Variants in SLC6A4 observed in about 807,000 individuals in gnomAD.
SLC6A4 encodes the protein solute carrier family 6 member 4, also known as sodium-dependent serotonin transporter.
Under a neutral mutation model 73.4 loss-of-function variants are expected in SLC6A4, and 22 were observed. That is an observed-to-expected ratio of 0.30 (90% CI 0.21 to 0.43). SLC6A4 has a LOEUF of 0.43. Among genes scored for constraint, SLC6A4 ranks in the 20% least tolerant of loss-of-function variants. SLC6A4 has a pLI of 1.00. For synonymous variants in SLC6A4, 270 were observed against 315.5 expected (o/e 0.86, Z 1.53); for missense variants, 593 against 808.5 (o/e 0.73, Z 3.23).
At position 30,198,412 on chromosome 17, in the gene SLC6A4, G is replaced by T. The variant is rs1567813764; in HGVS notation, c.*44C>A. ...AGGCAGGCGTGCCTCATCAGAACTG[G>T]AGGAGGAGGTTGTGGAGAAGCCTTT... is the stretch of plus-strand genomic sequence containing the variant. On this transcript the variant is annotated 3_prime_UTR_variant, in exon 15 of 15. Transcript: ENST00000650711. The T allele has an allele frequency of 8.7e-6, 10 of 1,143,730 alleles. No individual in the cohort carries two copies. The highest frequency in any genetic ancestry group is 1.3e-5 in the South Asian group (1 of 78,400). 70.8% of individuals were successfully genotyped at this position (1,143,730 alleles called of 1,614,324 possible). A position where few individuals can be genotyped will look rare whatever the true frequency, so the allele number is the denominator to read the frequency against.
Position 30,211,565 on chromosome 17 carries a change from GT to G in SLC6A4, c.1205-142del. The G allele has an allele frequency of 1.5e-6, 1 of 648,142 alleles. No homozygotes were observed. The highest frequency in any genetic ancestry group is 1.8e-5 in the South Asian group (1 of 55,674). 40.1% of individuals were successfully genotyped at this position (648,142 alleles called of 1,614,324 possible). The stretch of plus-strand genomic sequence containing the variant: ...TGAATCAGGTTTTGACACACACCAA[GT>G]GCGTCCTCACACTCTACTCCGTCTG... On this transcript the variant is annotated intron_variant, in intron 9 of 14. Transcript: ENST00000650711. This position sits in a 1 kb window ranked among gnomAD's most constrained non-coding sequence, Gnocchi z 4.0.
intron 13 of SLC6A4, chr17:30,203,630 G>A (rs2143013437): frequency 1.9e-5 from 7 of 375,464 alleles, no homozygotes; most frequent in East Asian, 1.5e-4. Context: ...GCTGAAGCCT[G>A]CAGCTCCCAC....
intron 6 of SLC6A4, 130 bp downstream of exon 6, chr17:30,217,036 G>A: frequency 1.3e-6 from 1 of 796,786 alleles, no homozygotes; most frequent in East Asian, 2.7e-5. Context: ...GGTGAAGAGA[G>A]AGAGGGTGCA....
chr17:30,230,066 G>T (rs1567824090), intron 1 of SLC6A4, among the ~76,000 whole-genome samples: 2 of 106,984 alleles, frequency 1.9e-5, no homozygotes, highest in Non-Finnish European at 3.7e-5. Context: ...AGAAGAAGAA[G>T]AAGAAGAAGA....
chr17:30,224,282 A>G (rs7342958), intron 1 of SLC6A4, among the ~76,000 whole-genome samples: 3,807 of 151,312 alleles, frequency 0.025, 164 homozygotes, highest in African/African-American at 0.087. Flanking sequence ...GCAGTGGCAC[A>G]ATTTTGGCTC....
intron 14 of SLC6A4, among the ~76,000 whole-genome samples, chr17:30,199,322 A>G (rs1905957571): frequency 6.6e-6 from 1 of 152,076 alleles, no homozygotes. Context: ...AGGAGAAAAA[A>G]AAAAAAACAG....
At chr17:30,202,853 A>T (rs191121141) in intron 14 of SLC6A4, among the ~76,000 whole-genome samples, 52 of 152,316 alleles carry the variant, frequency 3.4e-4, no homozygotes, top group African/African-American at 1.2e-3. Context: ...CACAGGTCTG[A>T]TATCCATGCC....
rs1240739803 is a variant in SLC6A4, at chr17:30,218,163, A to G, written c.653T>C (p.Ile218Thr). ...GGACGTGGAATGGAGGGTCCAGGTG[A>G]TGTTGTCCTCGGAGAAGTAATTGGT... ...NCTNYFSEDN[I>T]TWTLHSTSPA... Residue 218 changes from isoleucine (I) to threonine (T), a missense_variant, in exon 5 of 15, where the codon ATC becomes ACC. Coordinates refer to ENST00000650711, the MANE Select transcript of SLC6A4 (RefSeq NM_001045.6). 2 of 1,614,166 alleles carry G rather than the reference A, an allele frequency of 1.2e-6. No individual in the cohort carries two copies. Among genetic ancestry groups the G allele is most frequent in the Non-Finnish European group, 1.7e-6 (2 of 1,180,030 alleles).
At chr17:30,219,187 A>G (rs1187626957) in intron 3 of SLC6A4, among the ~76,000 whole-genome samples, 1 of 152,346 alleles carries the variant, frequency 6.6e-6, no homozygotes, top group South Asian at 2.1e-4. Flanking sequence ...GGGAGTCGAC[A>G]GAACAGGCAG....
rs946856968 is a variant in SLC6A4, at chr17:30,218,732, A to G, written c.478+65T>C. The G allele has an allele frequency of 1.9e-6, 3 of 1,569,190 alleles. No individual in the cohort carries two copies. The African/African-American group carries it at 4.1e-5, about 21-fold the overall frequency. On this transcript the variant is annotated intron_variant, in intron 4 of 14. Coordinates refer to ENST00000650711, the MANE Select transcript of SLC6A4 (RefSeq NM_001045.6). ...TTCCAGAAGAAGGTCCCCAGCTCCC[A>G]CCCACTGATGGAAATCCCTTCCTGA...
intron 3 of SLC6A4, among the ~76,000 whole-genome samples, chr17:30,220,223 C>A (rs548742174): frequency 1.2e-4 from 19 of 152,120 alleles, no homozygotes; most frequent in Non-Finnish European, 2.5e-4. Flanking sequence ...TGGATGATCC[C>A]CAAACCTCTT....
Position 30,209,256 on chromosome 17 carries a change from C to A in SLC6A4, c.1450-14G>T. 5 of 1,575,992 alleles carry A rather than the reference C, an allele frequency of 3.2e-6. No individual in the cohort carries two copies. Among genetic ancestry groups the A allele is most frequent in the Non-Finnish European group, 4.4e-6 (5 of 1,147,184 alleles). The stretch of plus-strand genomic sequence containing the variant: ...GTAGGCCCCTCCCTGGAGGGGAGAG[C>A]AGAGCCTGGGTGAGGGCCCTCCAAG... On this transcript the variant is annotated splice_polypyrimidine_tract_variant and intron_variant, in intron 11 of 14. Transcript: ENST00000650711.
chr17:30,229,983 C>A (rs1907035167), intron 1 of SLC6A4, among the ~76,000 whole-genome samples: 1 of 151,082 alleles, frequency 6.6e-6, no homozygotes, highest in African/African-American at 2.4e-5. Flanking sequence ...CGGGCCATTG[C>A]ACTCCAGCCT....
intron 6 of SLC6A4, 56 bp from the exon 7 acceptor site, chr17:30,216,272 G>A: frequency 1.3e-5 from 5 of 394,224 alleles, no homozygotes; most frequent in South Asian, 3.6e-5. Flanking sequence ...GGGAGGGGAG[G>A]GGAGAAGGAG....
At chr17:30,232,080 G>A (rs147902116) in intron 1 of SLC6A4, among the ~76,000 whole-genome samples, 1 of 152,330 alleles carries the variant, frequency 6.6e-6, no homozygotes, top group African/African-American at 2.4e-5. Context: ...AGTTCCCTTA[G>A]AGAAGACAAA....
At chr17:30,223,224 G>A (rs1335723755) in intron 1 of SLC6A4, among the ~76,000 whole-genome samples, 1 of 152,202 alleles carries the variant, frequency 6.6e-6, no homozygotes, top group Non-Finnish European at 1.5e-5. Flanking sequence ...CAGTTTGGGA[G>A]TTGAAATACG....
At chr17:30,208,840 C>G (rs149349539) in intron 12 of SLC6A4, among the ~76,000 whole-genome samples, 2 of 150,924 alleles carry the variant, frequency 1.3e-5, no homozygotes, top group Non-Finnish European at 2.9e-5. Flanking sequence ...TACAGGCTTG[C>G]GCCATCATGC....
intron 1 of SLC6A4, among the ~76,000 whole-genome samples, chr17:30,232,986 T>C (rs534014096): frequency 6.6e-6 from 1 of 152,198 alleles, no homozygotes; most frequent in East Asian, 1.9e-4. Flanking sequence ...GGGAAGATCA[T>C]TGATGCCAGG....
chr17:30,207,707 G>A, intron 13 of SLC6A4, 25 bp downstream of exon 13: 1 of 1,478,694 alleles, frequency 6.8e-7, no homozygotes, highest in Non-Finnish European at 9.5e-7. Context: ...CCAGGGCAAG[G>A]AGGAGAAGGG....
Sources: allele counts gnomAD v4.1 joint callset (sites outside exome capture counted in the v4.1 genomes callset), GRCh38; gene constraint gnomAD v4.1.1; non-coding constraint Gnocchi (gnomAD v3.1); transcripts MANE v1.5; gene names NCBI Gene and HGNC (gene_info 2026-07-23, HGNC 2026-07-21).